Variants in LIMCH1 observed in about 807,000 individuals in gnomAD.
LIMCH1 encodes LIM and calponin homology domains-containing protein 1.
Under a neutral mutation model 176.5 loss-of-function variants are expected in LIMCH1, and 113 were observed. The ratio of observed to expected loss-of-function variants is 0.64; its 90% CI spans 0.55 to 0.75. The LOEUF is 0.75. Ranked by LOEUF, LIMCH1 falls within the 30% of genes least tolerant of loss-of-function variation. LIMCH1 has a pLI of 0.00. For synonymous variants in LIMCH1, 619 were observed against 645.9 expected (o/e 0.96, Z 0.63); for missense variants, 1,674 against 1,814.9 (o/e 0.92, Z 1.41).
intron 1 of LIMCH1, among the ~76,000 whole-genome samples, chr4:41,401,254 A>C (rs2154117510): frequency 6.6e-6 from 1 of 152,328 alleles, no homozygotes; most frequent in South Asian, 2.1e-4. Flanking sequence ...ACATATGGCT[A>C]GCCTGTTTTC....
chr4:41,394,549 A>C (rs777073622), intron 1 of LIMCH1, among the ~76,000 whole-genome samples: 9 of 152,250 alleles, frequency 5.9e-5, no homozygotes, highest in Middle Eastern at 3.4e-3. Flanking sequence ...ATTTCCTGAG[A>C]TTGGTAGTGG....
chr4:41,514,005 TAAAAA>T (rs71198665), intron 2 of LIMCH1, among the ~76,000 whole-genome samples: 6 of 48,520 alleles, frequency 1.2e-4, no homozygotes, highest in East Asian at 1.0e-3. Flanking sequence ...GACTCCGTCT[TAAAAA>T]AAAAAAAAAA....
chr4:41,646,528 C>A lies in LIMCH1; in HGVS notation c.2455C>A (p.Arg819=). Residue 819 remains arginine, a synonymous_variant, in exon 17 of 32, where the codon CGG becomes AGG. Transcript: ENST00000503057. ...GCTGCATGAAGCATATAAGAACGCTCGGTCCCAGGAGGAGGCAGAGGGGAT... is the reference window on the plus strand; with the variant it reads ...GCTGCATGAAGCATATAAGAACGCTAGGTCCCAGGAGGAGGCAGAGGGGAT... ...RELHEAYKNA[R]SQEEAEGILQ... is the part of the protein sequence containing the mutation. 1 of 1,614,108 alleles carries A rather than the reference C, an allele frequency of 6.2e-7. No individual in the cohort carries two copies. Among genetic ancestry groups the A allele is most frequent in the Non-Finnish European group, 8.5e-7 (1 of 1,179,998 alleles).
chr4:41,374,188 AC>A (rs2154098929), intron 1 of LIMCH1, among the ~76,000 whole-genome samples: 1 of 152,304 alleles, frequency 6.6e-6, no homozygotes, highest in Admixed American at 6.5e-5. Flanking sequence ...ATGAGGGGGA[AC>A]AGCAGTAAAG....
chr4:41,637,445 C>T (rs1370409656), intron 13 of LIMCH1, among the ~76,000 whole-genome samples: 1 of 152,238 alleles, frequency 6.6e-6, no homozygotes, highest in African/African-American at 2.4e-5. Context: ...CTGCCTTGGC[C>T]TCCCAAAGTG....
chr4:41,532,849 A>C (rs1583608785), intron 3 of LIMCH1, among the ~76,000 whole-genome samples: 1 of 152,170 alleles, frequency 6.6e-6, no homozygotes, highest in African/African-American at 2.4e-5. Flanking sequence ...TTACCCCAGA[A>C]CTTAGTGGCT....
chr4:41,671,106 T>C (rs545217601), intron 21 of LIMCH1: 24 of 593,430 alleles, frequency 4.0e-5, no homozygotes, highest in Middle Eastern at 8.3e-4. Context: ...CTGATCATAG[T>C]TCTCTTGTTA....
At chr4:41,637,938 C>G (rs1434614964) in intron 13 of LIMCH1, among the ~76,000 whole-genome samples, 2 of 152,158 alleles carry the variant, frequency 1.3e-5, no homozygotes, top group East Asian at 3.8e-4. Context: ...CTGCCGACTC[C>G]AAAATGTAAT....
At chr4:41,466,203 T>A (rs1320054842) in intron 1 of LIMCH1, among the ~76,000 whole-genome samples, 2 of 152,192 alleles carry the variant, frequency 1.3e-5, no homozygotes, top group African/African-American at 4.8e-5. Context: ...GTGATCCGCC[T>A]GCCTTGGCCT....
chr4:41,610,523 A>C (rs2091297793), intron 4 of LIMCH1, among the ~76,000 whole-genome samples: 1 of 152,234 alleles, frequency 6.6e-6, no homozygotes, highest in Non-Finnish European at 1.5e-5. Flanking sequence ...TACCCATTTG[A>C]GAGAATAAAT....
chr4:41,510,369 T>A (rs890200535), intron 2 of LIMCH1, among the ~76,000 whole-genome samples: 1 of 152,244 alleles, frequency 6.6e-6, no homozygotes. Context: ...GGTTACATGC[T>A]GGATTAGGCT....
chr4:41,466,768 TACATA>T (rs906905354), intron 1 of LIMCH1, among the ~76,000 whole-genome samples: 12 of 152,222 alleles, frequency 7.9e-5, no homozygotes, highest in Admixed American at 1.3e-4. Context: ...TGGTAAAATG[TACATA>T]ACATAACATT....
At chr4:41,544,367 G>A (rs2079082465) in intron 1 of LIMCH1, among the ~76,000 whole-genome samples, 1 of 152,154 alleles carries the variant, frequency 6.6e-6, no homozygotes, top group Non-Finnish European at 1.5e-5. Context: ...CAAGATATTT[G>A]AAGGCTTTTG....
chr4:41,605,781 G>A (rs527631748), intron 3 of LIMCH1, 113 bp from the exon 4 acceptor site: 4 of 587,110 alleles, frequency 6.8e-6, no homozygotes, highest in East Asian at 3.2e-5. Context: ...TTTTAAAATC[G>A]ATGTAAATCA....
chr4:41,558,773 A>G (rs1377182235), intron 1 of LIMCH1, among the ~76,000 whole-genome samples: 3 of 152,154 alleles, frequency 2.0e-5, no homozygotes, highest in Admixed American at 2.0e-4. Context: ...ACCATTTTCT[A>G]TGAACCCCTT....
At chr4:41,692,464 A>AT (rs1474686797) in intron 31 of LIMCH1, 80 bp downstream of exon 31, 1 of 883,578 alleles carries the variant, frequency 1.1e-6, no homozygotes, top group Non-Finnish European at 1.9e-6. Flanking sequence ...GAATTCAAAT[A>AT]TTTTTCCCCA....
At chr4:41,589,719 T>C (rs1301029631) in intron 1 of LIMCH1, among the ~76,000 whole-genome samples, 1 of 152,168 alleles carries the variant, frequency 6.6e-6, no homozygotes, top group Non-Finnish European at 1.5e-5. Flanking sequence ...GCCTCGCTCG[T>C]TCTGTGTCTG....
chr4:41,631,365 G>T lies in LIMCH1; in HGVS notation c.1489G>T (p.Glu497Ter). The change falls in exon 10 of 32, where the codon GAA (glutamate) becomes TAA (stop). Residue 497 changes from glutamate to a stop codon, truncating the protein, a stop_gained. Coordinates refer to ENST00000503057, the MANE Select transcript of LIMCH1 (RefSeq NM_001330672.2). LOFTEE classifies it high-confidence loss of function. ...CAAGGCTGGGCCTAGAGAGGATGAA[G>T]AAGAAGTCATCTGTCATGGCAGCAA... ...IGKAGPREDE[E>*]EVICHGSKIQ... The T allele has an allele frequency of 6.5e-7, 1 of 1,536,274 alleles. No homozygotes were observed. Among genetic ancestry groups the T allele is most frequent in the South Asian group, 1.2e-5 (1 of 84,060 alleles).
rs191724457 is a variant in LIMCH1 at position 41,657,494 on chromosome 4, A to C, written c.3037-3926A>C. Among the ~76,000 whole-genome samples the C allele has an allele frequency of 1.3e-4, 20 of 152,360 alleles. 1 individual carries two copies. In the Middle Eastern group the frequency reaches 0.031, roughly 233 times the overall value. ...ATAGCCTATATACATTGCAGAATAC[A>C]GAAAACTGGAGAAAACATCGACTAC... On this transcript the variant is annotated intron_variant, in intron 18 of 31. Transcript: ENST00000503057.
Sources: gnomAD v4.1 joint callset for allele counts (sites outside exome capture counted in the v4.1 genomes callset) on GRCh38, gnomAD v4.1.1 for gene constraint, MANE v1.5 for transcripts, NCBI Gene and HGNC (gene_info 2026-07-23, HGNC 2026-07-21) for gene names.